The following ISM2 variants were observed in gnomAD, a reference collection of about 807,000 sequenced individuals.
ISM2 encodes isthmin 2, also known as isthmin-2.
ISM2 carries 50 observed loss-of-function variants against 58.0 expected under a neutral mutation model. That is an observed-to-expected ratio of 0.86 (90% confidence interval 0.69 to 1.09). The LOEUF (loss-of-function observed/expected upper bound fraction) is 1.09, where lower values mean the gene tolerates loss of function less well. ISM2 is among the 50% of genes least tolerant of loss of function. The pLI is 0.00. For missense variants in ISM2, 723 were observed against 745.0 expected, an observed-to-expected ratio of 0.97 and a Z score of 0.34; for synonymous variants, 303 against 312.4, an observed-to-expected ratio of 0.97 and a Z score of 0.32.
rs193268495 is a variant in ISM2 at position 77,491,656 on chromosome 14, T to A, written c.142-6737A>T. Among the ~76,000 whole-genome samples, 36 of 151,470 alleles carry A rather than the reference T, an allele frequency of 2.4e-4. 1 individual carries two copies. The highest frequency in any genetic ancestry group is 4.4e-4 in the Non-Finnish European group (30 of 67,944). On this transcript the variant is annotated intron_variant, in intron 1 of 6. Coordinates refer to ENST00000342219, the MANE Select transcript of ISM2 (RefSeq NM_199296.3). ...ATCCACCCGCCCTGGCTTCCCAAAGTGCTGGAATTACAGGCATGGGCCACC... is the reference window on the plus strand; with the variant it reads ...ATCCACCCGCCCTGGCTTCCCAAAGAGCTGGAATTACAGGCATGGGCCACC...
rs146093453 is a variant in ISM2 at position 77,486,412 on chromosome 14, G to A, written c.142-1493C>T. Among the ~76,000 whole-genome samples the A allele has an allele frequency of 4.4e-3, 666 of 152,280 alleles. 6 individuals are homozygous for A. The highest frequency in any genetic ancestry group is 0.014 in the African/African-American group (578 of 41,552). ...CCAGGGCAGCCGTGGGCCCATCTCG[G>A]CCCCAGCCTGGAGTCTCTTGCTGAG... On this transcript the variant is annotated intron_variant, in intron 1 of 6. Transcript: ENST00000342219.
At chr14:77,477,805 G>A (rs1159508130) in intron 6 of ISM2, among the ~76,000 whole-genome samples, 2 of 152,178 alleles carry the variant, frequency 1.3e-5, no homozygotes, top group Non-Finnish European at 2.9e-5. Flanking sequence ...GAGTGTGCAG[G>A]TGGACGCCTG....
Position 77,493,762 on chromosome 14 carries a change from G to A in ISM2, c.141+4891C>T, listed in dbSNP as rs534552649. On this transcript the variant is annotated intron_variant, in intron 1 of 6. Transcript: ENST00000342219. Reference sequence around the variant, plus strand: ...TAGGCGTGAGCCACTGCGGCCAGCCGAATGATTCTTTTCTTTTCTTTTTTT... The same window carrying A: ...TAGGCGTGAGCCACTGCGGCCAGCCAAATGATTCTTTTCTTTTCTTTTTTT... Among the ~76,000 whole-genome samples, 317 of 148,250 alleles carry A rather than the reference G, an allele frequency of 2.1e-3. 1 individual carries two copies. The highest frequency in any genetic ancestry group is 7.4e-3 in the African/African-American group (299 of 40,274).
At position 77,498,757 on chromosome 14, in the gene ISM2, AG is replaced by A; in HGVS notation, c.36del (p.Cys13AlafsTer13). The A allele has an allele frequency of 6.8e-7, 1 of 1,478,610 alleles. No individual in the cohort carries two copies. The allele number at this position is 1,478,610 out of a possible 1,614,324, so 91.6% of individuals were successfully genotyped here. A position where few individuals can be genotyped will look rare whatever the true frequency, so the allele number is the denominator to read the frequency against. ...AGCAGCGCCGCCAGCAGCAGCACGC[AG>A]AGGAGGAGCCCGGCTCGGTCGCGGA... ...RALRDRAGLLLCVLLLAALLE... is the reference protein window; with the variant it reads ...RALRDRAGLLXCVLLLAALLE... On this transcript the variant is annotated frameshift_variant, in exon 1 of 7. Transcript: ENST00000342219. LOFTEE classifies it high-confidence loss of function.
At chr14:77,476,493 G>A (rs1009199171) in intron 6 of ISM2, among the ~76,000 whole-genome samples, 6 of 152,102 alleles carry the variant, frequency 3.9e-5, no homozygotes, top group African/African-American at 1.4e-4. Context: ...TTCACCAACT[G>A]GTAAGAAGGT....
intron 6 of ISM2, among the ~76,000 whole-genome samples, chr14:77,477,274 G>A (rs933756448): frequency 6.6e-6 from 1 of 152,132 alleles, no homozygotes; most frequent in African/African-American, 2.4e-5. Context: ...GCTGTTAACC[G>A]GGTCTTGTTT....
Position 77,475,531 on chromosome 14 carries a change from T to C in ISM2, c.*64A>G. 1.9e-6 allele frequency: 1 copy of C among 516,088 alleles called. No individual in the cohort carries two copies. The highest frequency in any genetic ancestry group is 2.9e-6 in the Non-Finnish European group (1 of 346,010). 32.0% of individuals were successfully genotyped at this position (516,088 alleles called of 1,614,324 possible). On this transcript the variant is annotated 3_prime_UTR_variant, in exon 7 of 7. Transcript: ENST00000342219. This position sits in a 1 kb window ranked among gnomAD's most constrained non-coding sequence, Gnocchi z 4.1. The stretch of plus-strand genomic sequence containing the variant: ...CTGGGCAGGGGCGGGTGAGGAAAGT[T>C]CTCCCGTGCAACAGCAGCAGCCGCC...
intron 1 of ISM2, among the ~76,000 whole-genome samples, chr14:77,496,657 C>T (rs1367068886): frequency 1.4e-5 from 2 of 147,426 alleles, no homozygotes; most frequent in Non-Finnish European, 3.0e-5. Context: ...ATTAGCCGGG[C>T]GTGGTGGCGT....
chr14:77,493,149 T>C (rs1313701172), intron 1 of ISM2, among the ~76,000 whole-genome samples: 1 of 152,098 alleles, frequency 6.6e-6, no homozygotes, highest in Non-Finnish European at 1.5e-5. Flanking sequence ...GTGCATGCCA[T>C]CAAGCTTGGC....
At chr14:77,487,466 A>C (rs59911628) in intron 1 of ISM2, among the ~76,000 whole-genome samples, 8,659 of 152,146 alleles carry the variant, frequency 0.057, 274 homozygotes, top group African/African-American at 0.076. Context: ...GTAGGTGCTC[A>C]AAATGTTCCT....
chr14:77,496,794 C>G (rs1297848398), intron 1 of ISM2, among the ~76,000 whole-genome samples: 1 of 68,066 alleles, frequency 1.5e-5, no homozygotes, highest in Non-Finnish European at 2.4e-5. Flanking sequence ...GAGACTCCAT[C>G]TCAGGAAAAA....
At chr14:77,480,599 C>T (rs1472262245) in intron 4 of ISM2, among the ~76,000 whole-genome samples, 1 of 137,432 alleles carries the variant, frequency 7.3e-6, no homozygotes, top group Non-Finnish European at 1.5e-5. Flanking sequence ...GCTCTGTCAC[C>T]CAGGCTGGAG....
intron 1 of ISM2, among the ~76,000 whole-genome samples, chr14:77,491,301 C>T (rs936755228): frequency 6.6e-6 from 1 of 152,198 alleles, no homozygotes; most frequent in East Asian, 1.9e-4. Context: ...ACCCCTGCTG[C>T]GGCAGCACAA....
At chr14:77,484,287 T>C (rs1418436799) in intron 3 of ISM2, 36 bp downstream of exon 3, 1 of 1,597,748 alleles carries the variant, frequency 6.3e-7, no homozygotes, top group African/African-American at 1.3e-5. Flanking sequence ...CCTCTCCGGG[T>C]GTCTGCAGGG....
intron 1 of ISM2, among the ~76,000 whole-genome samples, chr14:77,494,491 G>C (rs1594955757): frequency 6.6e-6 from 1 of 152,050 alleles, no homozygotes; most frequent in South Asian, 2.1e-4. Context: ...CTGCCTCCTA[G>C]GTTCAAGCAA....
intron 3 of ISM2, chr14:77,483,827 C>T (rs986520329): frequency 1.3e-5 from 2 of 152,962 alleles, no homozygotes; most frequent in African/African-American, 4.8e-5. Context: ...AGGACTCACG[C>T]CAGGCAGTGG....
chr14:77,478,308 T>G lies in ISM2; in HGVS notation c.1132A>C (p.Thr378Pro). ...PSCPGTEDKD[T>P]LGLPSEEWKL... The stretch of plus-strand genomic sequence containing the variant: ...CACTCCTCACTGGGGAGGCCCAAGG[T>G]GTCCTTGTCCTCAGTGCCTTTGGGA... The change falls in exon 6 of 7, where the codon ACC (threonine) becomes CCC (proline). Residue 378 changes from threonine to proline, a missense_variant. Thr to Pro is a conservative substitution (Grantham distance 38). Transcript: ENST00000342219. 1 of 1,614,110 alleles carries G rather than the reference T, an allele frequency of 6.2e-7. No individual in the cohort carries two copies. The highest frequency in any genetic ancestry group is 8.5e-7 in the Non-Finnish European group (1 of 1,179,944).
At chr14:77,480,577 A>T (rs2079125972) in intron 4 of ISM2, among the ~76,000 whole-genome samples, 3 of 120,302 alleles carry the variant, frequency 2.5e-5, no homozygotes, top group East Asian at 2.5e-4. Context: ...TTTTTTTTAG[A>T]GACAGGGTCT....
chr14:77,485,460 G>C (rs1206957448), intron 1 of ISM2, among the ~76,000 whole-genome samples: 1 of 152,244 alleles, frequency 6.6e-6, no homozygotes, highest in Non-Finnish European at 1.5e-5. Flanking sequence ...CCTGGGGCCT[G>C]GCTCCTTTTT....
Sources: allele counts gnomAD v4.1 joint callset (sites outside exome capture counted in the v4.1 genomes callset), GRCh38; gene constraint gnomAD v4.1.1; non-coding constraint Gnocchi (gnomAD v3.1); transcripts MANE v1.5; gene names NCBI Gene and HGNC (gene_info 2026-07-23, HGNC 2026-07-21).